The following SCARA5 variants were observed in gnomAD, a reference collection of about 807,000 sequenced individuals.
SCARA5 encodes the protein scavenger receptor class A, member 5 (putative).
A neutral mutation model predicts 46.3 loss-of-function variants in SCARA5; 45 were observed. The ratio of observed to expected loss-of-function variants is 0.97; its 90% CI spans 0.76 to 1.24. The LOEUF (loss-of-function observed/expected upper bound fraction) is 1.24. Ranked by LOEUF, SCARA5 falls within the 50% of genes most tolerant of loss-of-function variation. The pLI, the probability that SCARA5 is intolerant of heterozygous loss-of-function variation, is 0.00. For synonymous variants in SCARA5, 333 were observed against 306.5 expected, an observed-to-expected ratio of 1.09 and a Z score of -0.90; for missense variants, 680 against 689.0, an observed-to-expected ratio of 0.99 and a Z score of 0.15.
chr8:27,945,175 T>C (rs372680207), intron 3 of SCARA5, among the ~76,000 whole-genome samples: 2 of 145,932 alleles, frequency 1.4e-5, no homozygotes, highest in African/African-American at 2.5e-5. Context: ...AAAATAATAA[T>C]AAATTGAAAA....
intron 7 of SCARA5, among the ~76,000 whole-genome samples, chr8:27,892,350 C>T (rs892609197): frequency 5.9e-5 from 9 of 152,290 alleles, no homozygotes; most frequent in East Asian, 1.9e-4. Flanking sequence ...TGAAATGACC[C>T]GGATGAGTCT....
At chr8:27,923,499 T>C (rs1462706581) in intron 3 of SCARA5, among the ~76,000 whole-genome samples, 1 of 151,456 alleles carries the variant, frequency 6.6e-6, no homozygotes, top group Non-Finnish European at 1.5e-5. Context: ...TGAAGACTGC[T>C]TTTATATTGA....
intron 7 of SCARA5, among the ~76,000 whole-genome samples, chr8:27,895,539 T>G (rs2726964): frequency 0.87 from 132,325 of 152,236 alleles, 58,702 homozygotes; most frequent in East Asian, 1. Flanking sequence ...TTATTAGCAG[T>G]TCTCATGGGG....
chr8:27,956,329 A>G (rs1419743913), intron 3 of SCARA5, among the ~76,000 whole-genome samples: 1 of 152,204 alleles, frequency 6.6e-6, no homozygotes, highest in Non-Finnish European at 1.5e-5. Context: ...AGGAGAGAAA[A>G]GGGACAAGGC....
intron 1 of SCARA5, among the ~76,000 whole-genome samples, chr8:27,988,594 C>A (rs1341533245): frequency 1.3e-5 from 2 of 152,158 alleles, no homozygotes; most frequent in African/African-American, 4.8e-5. Flanking sequence ...TTCAGATTTT[C>A]TGGGTTTTCT....
chr8:27,905,104 T>A (rs1807230494), intron 6 of SCARA5, among the ~76,000 whole-genome samples: 1 of 151,746 alleles, frequency 6.6e-6, no homozygotes, highest in African/African-American at 2.4e-5. Context: ...AGAAGACAAG[T>A]CAAAGATAGT....
At chr8:27,989,129 C>CTT (rs34929623) in intron 1 of SCARA5, among the ~76,000 whole-genome samples, 1,688 of 68,324 alleles carry the variant, frequency 0.025, 133 homozygotes, top group African/African-American at 0.058. Context: ...TTCTTTCTTT[C>CTT]TTTTTTTTTT....
chr8:27,955,963 G>A (rs1175800814), intron 3 of SCARA5, among the ~76,000 whole-genome samples: 1 of 152,128 alleles, frequency 6.6e-6, no homozygotes, highest in African/African-American at 2.4e-5. Flanking sequence ...TTACAGAGAT[G>A]GAAAGGACTG....
chr8:27,949,110 G>A (rs1229991141), intron 3 of SCARA5, among the ~76,000 whole-genome samples: 1 of 152,238 alleles, frequency 6.6e-6, no homozygotes, highest in Non-Finnish European at 1.5e-5. Flanking sequence ...TGGTGTGGTG[G>A]ACAGAACAGT....
chr8:27,918,661 T>TGAGGAGGAGGAAAAGGAGGAAGATGAG, intron 4 of SCARA5, among the ~76,000 whole-genome samples: 1 of 2,694 alleles, frequency 3.7e-4, no homozygotes, highest in Non-Finnish European at 7.4e-4. Context: ...AAAAGGAAGA[T>TGAGGAGGAGGAAAAGGAGGAAGATGAG]GAGGAGGAAA....
chr8:27,958,865 C>T (rs1808246795), intron 3 of SCARA5, among the ~76,000 whole-genome samples: 1 of 152,190 alleles, frequency 6.6e-6, no homozygotes. Flanking sequence ...GGAGATCTGA[C>T]CTGATCATTG....
At chr8:27,897,168 C>A (rs1318916813) in intron 7 of SCARA5, among the ~76,000 whole-genome samples, 1 of 151,980 alleles carries the variant, frequency 6.6e-6, no homozygotes, top group East Asian at 1.9e-4. Flanking sequence ...GCCCCAAACA[C>A]CCTCCAAGGG....
chr8:27,876,744 G>C (rs1806730628), intron 8 of SCARA5, among the ~76,000 whole-genome samples: 1 of 152,186 alleles, frequency 6.6e-6, no homozygotes, highest in Non-Finnish European at 1.5e-5. Context: ...CCTCCAGAGA[G>C]AGTGTGCAGA....
chr8:27,908,363 G>A (rs1807305848), intron 5 of SCARA5, among the ~76,000 whole-genome samples: 1 of 152,196 alleles, frequency 6.6e-6, no homozygotes, highest in African/African-American at 2.4e-5. Context: ...GCGCCATGCA[G>A]AGCCAGCATA....
At chr8:27,895,023 C>G (rs1317297055) in intron 7 of SCARA5, among the ~76,000 whole-genome samples, 1 of 152,148 alleles carries the variant, frequency 6.6e-6, no homozygotes, top group Non-Finnish European at 1.5e-5. Flanking sequence ...AACTTTGCCT[C>G]TACAGAAAAG....
intron 2 of SCARA5, among the ~76,000 whole-genome samples, chr8:27,982,135 A>G (rs981934327): frequency 1.3e-5 from 2 of 152,196 alleles, no homozygotes; most frequent in African/African-American, 4.8e-5. Context: ...CATTACCCCC[A>G]GGTCCTATTT....
In SCARA5 at chr8:27,922,082, C is replaced by A; in HGVS notation, c.405G>T (p.Gln135His). The A allele has an allele frequency of 6.3e-7, 1 of 1,599,878 alleles. No homozygotes were observed. Among genetic ancestry groups the A allele is most frequent in the Non-Finnish European group, 8.5e-7 (1 of 1,174,964 alleles). Residue 135 changes from glutamine (Q) to histidine (H), a missense_variant, in exon 4 of 9, where the codon CAG becomes CAT. By Grantham distance (24) the Gln-to-His change is conservative. Around this residue, in one of 3 missense-constraint regions of SCARA5, gnomAD observed 438 missense variants for 384.5 expected, o/e 1.14. Coordinates refer to ENST00000354914, the MANE Select transcript of SCARA5 (RefSeq NM_173833.6). Reference protein sequence around the residue: ...VWKVQDALQNQSDSLLALAGA... With the variant: ...VWKVQDALQNHSDSLLALAGA... The stretch of plus-strand genomic sequence containing the variant: ...CCGCCAGCGCCAGCAACGAGTCTGA[C>A]TGGTTCTGCAGCGCGTCCTGCACCT...
intron 4 of SCARA5, among the ~76,000 whole-genome samples, chr8:27,911,942 G>A (rs1271831748): frequency 6.6e-6 from 1 of 152,220 alleles, no homozygotes; most frequent in Non-Finnish European, 1.5e-5. Context: ...TGTGGCAACA[G>A]AGACAGAGAT....
chr8:27,950,094 C>T (rs1808099838), intron 3 of SCARA5, among the ~76,000 whole-genome samples: 1 of 152,128 alleles, frequency 6.6e-6, no homozygotes, highest in Admixed American at 6.5e-5. Context: ...GGGGGAATGC[C>T]ACCCACTGGC....
Sources: gnomAD v4.1 joint callset for allele counts (sites outside exome capture counted in the v4.1 genomes callset) on GRCh38, gnomAD v4.1.1 for gene constraint, gnomAD v4.1.1 regional missense constraint, MANE v1.5 for transcripts, NCBI Gene and HGNC (gene_info 2026-07-23, HGNC 2026-07-21) for gene names.